FGF13: variants seen among roughly 807,000 people sequenced by gnomAD.
FGF13 encodes the protein fibroblast growth factor 13.
Under a neutral mutation model 19.5 loss-of-function variants are expected in FGF13, and 2 were observed. That is an observed-to-expected ratio of 0.10 (90% confidence interval 0.04 to 0.32). The LOEUF is 0.32. Ranked by LOEUF, FGF13 falls within the 10% of genes least tolerant of loss-of-function variation. The pLI, the probability that FGF13 is intolerant of heterozygous loss-of-function variation, is 1.00. For missense variants in FGF13, 113 were observed against 192.7 expected (o/e 0.59, Z 2.45); for synonymous variants, 72 against 76.9 (o/e 0.94, Z 0.33).
downstream of FGF13, among the ~76,000 whole-genome samples, chrX:138,855,679 A>G (rs748625466): frequency 9.0e-6 from 1 of 111,541 alleles, no homozygotes; most frequent in Non-Finnish European, 1.9e-5. Context: ...AGAGAGTCTA[A>G]CTGCTACCTA....
At chrX:138,842,952 T>A (rs949995185) in intron 3 of FGF13, among the ~76,000 whole-genome samples, 5 of 112,123 alleles carry the variant, frequency 4.5e-5, no homozygotes, top group Non-Finnish European at 9.4e-5. Context: ...GGGTTTTAGG[T>A]CTCACTTGTG....
At position 138,614,915 on chromosome X, in the gene FGF13, T is replaced by G. The variant is rs1220499225; in HGVS notation, c.*17935A>C. On this transcript the variant is annotated 3_prime_UTR_variant, in exon 5 of 5. Transcript: ENST00000315930. ...TGCATCTCAAGGGAATTGTGCTGAGTGACAAAAGCCAATCTCTATGTGTTA... is the reference window on the plus strand; with the variant it reads ...TGCATCTCAAGGGAATTGTGCTGAGGGACAAAAGCCAATCTCTATGTGTTA... The G allele has an allele frequency of 8.9e-6, 1 of 112,114 alleles. No individual in the cohort carries two copies. The highest frequency in any genetic ancestry group is 1.9e-5 in the Non-Finnish European group (1 of 53,210). The allele number at this position is 112,114 out of a possible 1,213,427, so 9.2% of individuals were successfully genotyped here.
intron 3 of FGF13, among the ~76,000 whole-genome samples, chrX:138,836,881 GT>G (rs199771150): frequency 0.37 from 35,349 of 96,363 alleles, 5,521 homozygotes; most frequent in African/African-American, 0.58. Flanking sequence ...TTGGTGGTGG[GT>G]TTTTTTTTTT....
At chrX:138,643,372 G>A (rs2089270347) in intron 3 of FGF13, among the ~76,000 whole-genome samples, 1 of 112,404 alleles carries the variant, frequency 8.9e-6, no homozygotes, top group Admixed American at 9.4e-5. Context: ...CAGAGGCTAA[G>A]ATGGGTTATT....
intron 3 of FGF13, among the ~76,000 whole-genome samples, chrX:138,671,239 T>G (rs1490122052): frequency 9.0e-6 from 1 of 111,300 alleles, no homozygotes; most frequent in Admixed American, 9.6e-5. Context: ...TTAGGCTGAA[T>G]TACGTCTCTG....
In FGF13 at chrX:138,668,040, T is replaced by C. The variant is rs764921601; in HGVS notation, c.403-32385A>G. On this transcript the variant is annotated intron_variant, in intron 3 of 4. Coordinates refer to ENST00000315930, the MANE Select transcript of FGF13 (RefSeq NM_004114.5). ...TTAATATATGATAGGATTTCCATAG[T>C]CTTCCAAGAATTATAGGCTTATATA... 3.4e-3 allele frequency among the ~76,000 whole-genome samples: 375 copies of C among 111,699 alleles called. 1 individual carries two copies. Among genetic ancestry groups the C allele is most frequent in the African/African-American group, 0.012 (359 of 30,818 alleles).
At chrX:138,697,201 T>C (rs1300468185) in intron 3 of FGF13, among the ~76,000 whole-genome samples, 1 of 111,801 alleles carries the variant, frequency 8.9e-6, no homozygotes, top group Non-Finnish European at 1.9e-5. Flanking sequence ...CTGGTATTGT[T>C]TCATTTGTCA....
intron 1 of FGF13, among the ~76,000 whole-genome samples, chrX:139,013,712 TGGACTTTGG>T (rs1376677903): frequency 1.9e-5 from 2 of 106,984 alleles, no homozygotes; most frequent in African/African-American, 6.8e-5. Context: ...AATGACATAT[TGGACTTTGG>T]GGACTTGGGA....
intron 1 of FGF13, among the ~76,000 whole-genome samples, chrX:138,934,600 T>G (rs1331010112): frequency 8.9e-6 from 1 of 112,728 alleles, no homozygotes; most frequent in African/African-American, 3.2e-5. Context: ...GCTTACAGCT[T>G]TGAAAATAAA....
intron 1 of FGF13, among the ~76,000 whole-genome samples, chrX:139,135,046 A>C (rs1221989728): frequency 8.9e-6 from 1 of 112,041 alleles, no homozygotes; most frequent in Non-Finnish European, 1.9e-5. Context: ...GAAAAAAAAA[A>C]CTGCTCATTC....
At chrX:138,937,137 G>A (rs921679272) in intron 1 of FGF13, among the ~76,000 whole-genome samples, 14 of 110,424 alleles carry the variant, frequency 1.3e-4, no homozygotes, top group African/African-American at 4.6e-4. Context: ...GAGCTTAGTA[G>A]AAACCCAGAG....
intron 1 of FGF13, among the ~76,000 whole-genome samples, chrX:139,133,801 C>T (rs956502311): frequency 2.7e-5 from 3 of 111,593 alleles, no homozygotes; most frequent in Non-Finnish European, 5.6e-5. Context: ...CTTTACATAC[C>T]CACTTTGACC....
chrX:138,632,862 ATTG>A lies in FGF13; in HGVS notation c.723_725del (p.Asn242del). 2.5e-6 allele frequency: 3 copies of A among 1,209,243 alleles called. No individual in the cohort carries two copies. Among genetic ancestry groups the A allele is most frequent in the Non-Finnish European group, 3.4e-6 (3 of 894,045 alleles). On this transcript the variant is annotated inframe_deletion, in exon 5 of 5. Transcript: ENST00000315930. ...TTGCCCTCACTGGCTACGTTGATTC[ATTG>A]TGGCTCATGGATTTGCCTCCGTTCA... is the stretch of plus-strand genomic sequence containing the variant.
At chrX:138,882,747 C>T (rs889050634) in intron 1 of FGF13, among the ~76,000 whole-genome samples, 3 of 111,576 alleles carry the variant, frequency 2.7e-5, no homozygotes, top group Non-Finnish European at 3.8e-5. Flanking sequence ...CTTCAACAGC[C>T]GAACCCTTTG....
At chrX:138,761,380 C>A (rs1028326104) in intron 3 of FGF13, among the ~76,000 whole-genome samples, 17 of 111,252 alleles carry the variant, frequency 1.5e-4, no homozygotes, top group African/African-American at 5.6e-4. Flanking sequence ...AGTAGTACTG[C>A]TCTCCCGGAG....
At chrX:139,199,777 T>C (rs980876123) in intron 1 of FGF13, among the ~76,000 whole-genome samples, 1 of 111,561 alleles carries the variant, frequency 9.0e-6, no homozygotes, top group East Asian at 2.8e-4. Context: ...TCTCCAGACC[T>C]AGGACACATA....
intron 3 of FGF13, among the ~76,000 whole-genome samples, chrX:138,788,505 AC>A (rs2090712967): frequency 8.9e-6 from 1 of 111,928 alleles, no homozygotes; most frequent in Admixed American, 9.4e-5. Context: ...AGATTGTTTG[AC>A]CTTTTGAAAC....
intron 1 of FGF13, among the ~76,000 whole-genome samples, chrX:139,003,607 T>A (rs1482499066): frequency 4.8e-5 from 3 of 62,543 alleles, no homozygotes; most frequent in Non-Finnish European, 1.0e-4. Flanking sequence ...CAAGTCCCCA[T>A]CAGATTAGTT....
At chrX:138,663,824 A>G (rs898481799) in intron 3 of FGF13, among the ~76,000 whole-genome samples, 3 of 111,555 alleles carry the variant, frequency 2.7e-5, no homozygotes, top group African/African-American at 9.8e-5. Context: ...TTTATATGAT[A>G]AGAGAGAGAG....
Sources: allele counts gnomAD v4.1 joint callset (sites outside exome capture counted in the v4.1 genomes callset), GRCh38; gene constraint gnomAD v4.1.1; transcripts MANE v1.5; gene names NCBI Gene and HGNC (gene_info 2026-07-23, HGNC 2026-07-21).